TRPC5: variants seen among roughly 807,000 people sequenced by gnomAD.
TRPC5 encodes the protein short transient receptor potential channel 5.
Under a neutral mutation model 56.5 loss-of-function variants are expected in TRPC5, and 9 were observed. The ratio of observed to expected loss-of-function variants is 0.16; its 90% CI spans 0.10 to 0.28. The LOEUF is 0.28. TRPC5 is among the 10% of genes least tolerant of loss of function. The pLI, the probability that TRPC5 is intolerant of heterozygous loss-of-function variation, is 1.00. For missense variants in TRPC5, 469 were observed against 748.9 expected (o/e 0.63, Z 4.36); for synonymous variants, 282 against 278.5 (o/e 1.01, Z -0.13).
At chrX:111,876,619 C>G (rs181846862) in intron 3 of TRPC5, among the ~76,000 whole-genome samples, 23 of 111,531 alleles carry the variant, frequency 2.1e-4, no homozygotes, top group African/African-American at 7.5e-4. Context: ...CCAGTGAATT[C>G]TCTCTCAAGT....
intron 1 of TRPC5, among the ~76,000 whole-genome samples, chrX:111,996,800 C>A (rs1185334160): frequency 2.7e-5 from 3 of 110,945 alleles, no homozygotes; most frequent in Non-Finnish European, 5.7e-5. Flanking sequence ...AGGATTGCAA[C>A]CCCTGCTTTT....
intron 3 of TRPC5, among the ~76,000 whole-genome samples, chrX:111,890,534 G>T: frequency 9.0e-6 from 1 of 110,598 alleles, no homozygotes; most frequent in South Asian, 3.9e-4. Flanking sequence ...AGTATCTGTG[G>T]AAGGTCCTGG....
At chrX:112,026,634 A>AAAACCT (rs1424116570) in intron 1 of TRPC5, among the ~76,000 whole-genome samples, 1 of 111,654 alleles carries the variant, frequency 9.0e-6, no homozygotes, top group Non-Finnish European at 1.9e-5. Flanking sequence ...AAAAAGTACG[A>AAAACCT]AAACCACTGG....
intron 1 of TRPC5, among the ~76,000 whole-genome samples, chrX:111,980,491 C>G (rs1928048766): frequency 9.0e-6 from 1 of 111,138 alleles, no homozygotes; most frequent in African/African-American, 3.3e-5. Context: ...GTAAATTGCA[C>G]AAAAATTGAG....
intron 7 of TRPC5, among the ~76,000 whole-genome samples, chrX:111,806,416 T>C (rs1921516031): frequency 9.0e-6 from 1 of 111,711 alleles, no homozygotes; most frequent in Non-Finnish European, 1.9e-5. Context: ...TGTTGGCAGG[T>C]TTAGTTCTTC....
intron 1 of TRPC5, among the ~76,000 whole-genome samples, chrX:112,013,807 C>G (rs1929051768): frequency 8.9e-6 from 1 of 111,809 alleles, no homozygotes; most frequent in African/African-American, 3.2e-5. Flanking sequence ...TCTAGTATTT[C>G]CTGCCAGCCA....
intron 2 of TRPC5, among the ~76,000 whole-genome samples, chrX:111,940,689 TAA>T (rs781266805): frequency 3.7e-4 from 26 of 70,287 alleles, no homozygotes; most frequent in African/African-American, 2.2e-4. Flanking sequence ...GGACTACGTC[TAA>T]AAAAAAAAAA....
intron 1 of TRPC5, among the ~76,000 whole-genome samples, chrX:111,970,652 G>A (rs979506767): frequency 1.8e-5 from 2 of 111,635 alleles, no homozygotes; most frequent in Non-Finnish European, 3.8e-5. Flanking sequence ...GAAAGCAATG[G>A]TATGTACCTC....
At chrX:111,874,435 G>A (rs972355554) in intron 3 of TRPC5, among the ~76,000 whole-genome samples, 1 of 111,996 alleles carries the variant, frequency 8.9e-6, no homozygotes, top group East Asian at 2.8e-4. Flanking sequence ...GACCGTAGGG[G>A]CCCTGGTAGC....
chrX:111,789,550 T>C (rs1222757730), intron 7 of TRPC5, among the ~76,000 whole-genome samples: 5 of 111,286 alleles, frequency 4.5e-5, no homozygotes, highest in African/African-American at 1.3e-4. Flanking sequence ...CCAACAAAAG[T>C]CAAAATAGAC....
chrX:111,865,593 T>C (rs1424486469), intron 3 of TRPC5, among the ~76,000 whole-genome samples: 1 of 111,415 alleles, frequency 9.0e-6, no homozygotes, highest in East Asian at 2.8e-4. Context: ...CCCAAAGTGC[T>C]GGGATTACAG....
At chrX:111,804,260 A>G (rs938101006) in intron 7 of TRPC5, among the ~76,000 whole-genome samples, 1 of 111,900 alleles carries the variant, frequency 8.9e-6, no homozygotes, top group Non-Finnish European at 1.9e-5. Context: ...GTAGCCTTGT[A>G]GTATAGTTTG....
intron 7 of TRPC5, among the ~76,000 whole-genome samples, chrX:111,826,387 A>G (rs1367253999): frequency 1.8e-5 from 2 of 112,164 alleles, no homozygotes; most frequent in Non-Finnish European, 3.8e-5. Context: ...TAGATTCCAC[A>G]TTACCCAAGG....
chrX:111,803,324 A>G (rs1437180298), intron 7 of TRPC5, among the ~76,000 whole-genome samples: 3 of 112,506 alleles, frequency 2.7e-5, no homozygotes, highest in African/African-American at 9.7e-5. Flanking sequence ...ATACTTGTGC[A>G]TGTGCCTTTA....
chrX:111,798,404 C>T (rs2148558765), intron 7 of TRPC5, among the ~76,000 whole-genome samples: 1 of 111,990 alleles, frequency 8.9e-6, no homozygotes, highest in Admixed American at 9.5e-5. Context: ...TTGCATATTG[C>T]AGTAAAAAGT....
rs1380955922 is a variant in TRPC5, at chrX:111,770,044, C to G, written c.*6269G>C. ...TTTTAAGGTGACTACTTTAAAGGAC[C>G]ACGTTCATTTGGGTGCATAAGTTCT... On this transcript the variant is annotated 3_prime_UTR_variant, in exon 11 of 11. Transcript: ENST00000262839. Among the ~76,000 whole-genome samples the G allele has an allele frequency of 9.0e-6, 1 of 111,175 alleles. No homozygotes were observed. The highest frequency in any genetic ancestry group is 3.3e-5 in the African/African-American group (1 of 30,623).
intron 6 of TRPC5, among the ~76,000 whole-genome samples, chrX:111,841,511 G>A (rs1036424294): frequency 2.7e-5 from 3 of 111,991 alleles, no homozygotes; most frequent in Non-Finnish European, 5.6e-5. Context: ...TAGCATGGCA[G>A]TGAGGATTAC....
At chrX:112,055,965 T>C (rs1443499518) in intron 1 of TRPC5, among the ~76,000 whole-genome samples, 1 of 110,933 alleles carries the variant, frequency 9.0e-6, no homozygotes, top group East Asian at 2.8e-4. Context: ...ATTGAGCCTA[T>C]TTCAGGAGTG....
At chrX:111,779,199 A>T in intron 9 of TRPC5, 125 bp from the exon 10 acceptor site, 1 of 392,291 alleles carries the variant, frequency 2.5e-6, no homozygotes, top group Non-Finnish European at 4.2e-6. Context: ...CATAGGATCC[A>T]GCCTTTTATT....
Sources: allele counts gnomAD v4.1 joint callset (sites outside exome capture counted in the v4.1 genomes callset), GRCh38; gene constraint gnomAD v4.1.1; transcripts MANE v1.5; gene names NCBI Gene and HGNC (gene_info 2026-07-23, HGNC 2026-07-21).